CD58: variants seen among roughly 807,000 people sequenced by gnomAD.
CD58 encodes CD58 molecule.
A neutral mutation model predicts 27.6 loss-of-function variants in CD58; 14 were observed. That is an observed-to-expected ratio of 0.51 (90% CI 0.34 to 0.79). CD58 has a LOEUF of 0.79. CD58 is among the 30% of genes least tolerant of loss of function. The pLI, the probability that CD58 is intolerant of heterozygous loss-of-function variation, is 0.02. For missense variants in CD58, 268 were observed against 301.7 expected (o/e 0.89, Z 0.83); for synonymous variants, 117 against 103.8 (o/e 1.13, Z -0.77).
chr1:116,557,407 T>A lies in CD58; in HGVS notation c.71-12803A>T, dbSNP rs1658600310. 6.6e-6 allele frequency among the ~76,000 whole-genome samples: 1 copy of A among 152,138 alleles called. No individual in the cohort carries two copies. Reference sequence around the variant, plus strand: ...ATCACCAAAGCAAGATGGGAGGACCTGCGGGCTCCACCTTCCCAACTCCAC... The same window carrying A: ...ATCACCAAAGCAAGATGGGAGGACCAGCGGGCTCCACCTTCCCAACTCCAC... On this transcript the variant is annotated intron_variant, in intron 1 of 5. Coordinates refer to ENST00000369489, the MANE Select transcript of CD58 (RefSeq NM_001779.3). The surrounding 1 kb of genome is among the most constrained non-coding windows in gnomAD (Gnocchi z 5.2).
At position 116,559,417 on chromosome 1, in the gene CD58, C is replaced by G. The variant is rs578008168; in HGVS notation, c.70+11486G>C. On this transcript the variant is annotated intron_variant, in intron 1 of 5. Transcript: ENST00000369489. This position sits in a 1 kb window ranked among gnomAD's most constrained non-coding sequence, Gnocchi z 4.4. The stretch of plus-strand genomic sequence containing the variant: ...GGCAGAGCTGGTGTCCAGACACAGG[C>G]AGTCGGCCCCAGAGCCTGCACTGTT... 1.3e-5 allele frequency among the ~76,000 whole-genome samples: 2 copies of G among 152,326 alleles called. No homozygotes were observed. The highest frequency in any genetic ancestry group is 4.1e-4 in the South Asian group (2 of 4,828).
intron 1 of CD58, among the ~76,000 whole-genome samples, chr1:116,548,959 G>A (rs1256934871): frequency 2.0e-5 from 3 of 152,174 alleles, no homozygotes; most frequent in African/African-American, 7.2e-5. Flanking sequence ...GCTCCAAGAG[G>A]CATATCACCT....
At chr1:116,567,246 GGGGA>G (rs1419467312) in intron 1 of CD58, among the ~76,000 whole-genome samples, 2 of 124,412 alleles carry the variant, frequency 1.6e-5, no homozygotes, top group Non-Finnish European at 3.5e-5. Context: ...AGGGAGGGGA[GGGGA>G]GGGAGGGAGG....
At chr1:116,544,191 C>A in intron 2 of CD58, 120 bp downstream of exon 2, 1 of 681,056 alleles carries the variant, frequency 1.5e-6, no homozygotes, top group Non-Finnish European at 2.4e-6. Context: ...GGAGAAAACC[C>A]TGACAACAGG....
At chr1:116,554,532 T>C (rs921912447) in intron 1 of CD58, among the ~76,000 whole-genome samples, 2 of 151,870 alleles carry the variant, frequency 1.3e-5, no homozygotes, top group African/African-American at 2.4e-5. Flanking sequence ...CCAAAAAATA[T>C]ATATATATTT....
chr1:116,570,012 G>A lies in CD58; in HGVS notation c.70+891C>T, dbSNP rs1005752832. ...ATGCACACGCGCACCTCCCGGGCAG[G>A]CAGCGGACGCTGAGCAAACGGACGG... On this transcript the variant is annotated intron_variant, in intron 1 of 5. Coordinates refer to ENST00000369489, the MANE Select transcript of CD58 (RefSeq NM_001779.3). This position sits in a 1 kb window ranked among gnomAD's most constrained non-coding sequence, Gnocchi z 6.4. Among the ~76,000 whole-genome samples the A allele has an allele frequency of 6.6e-6, 1 of 152,230 alleles. No homozygotes were observed. The highest frequency in any genetic ancestry group is 1.5e-5 in the Non-Finnish European group (1 of 68,046).
At position 116,517,970 on chromosome 1, in the gene CD58, TAAC is replaced by T. The variant is rs1294033496; in HGVS notation, c.743+1258_743+1260del. Among the ~76,000 whole-genome samples, 1 of 152,208 alleles carries T rather than the reference TAAC, an allele frequency of 6.6e-6. No homozygotes were observed. Among genetic ancestry groups the T allele is most frequent in the Non-Finnish European group, 1.5e-5 (1 of 68,030 alleles). On this transcript the variant is annotated intron_variant, in intron 5 of 5. Transcript: ENST00000369489. The surrounding 1 kb of genome is among the most constrained non-coding windows in gnomAD (Gnocchi z 6.5). ...TTTTATTTTTCTTGAAAAATAATAGTAACAATAGTCATAATGGCTAACATTTAT... is the reference window on the plus strand; with the variant it reads ...TTTTATTTTTCTTGAAAAATAATAGTAATAGTCATAATGGCTAACATTTAT...
intron 1 of CD58, among the ~76,000 whole-genome samples, chr1:116,562,753 A>G (rs1234901336): frequency 6.6e-6 from 1 of 152,196 alleles, no homozygotes; most frequent in African/African-American, 2.4e-5. Context: ...AGAACAGTAT[A>G]GAGGAAACTG....
Position 116,517,183 on chromosome 1 carries a change from C to T in CD58, c.743+2048G>A, listed in dbSNP as rs567357898. ...AGAGACCTGACTTGGCTCTCACACT[C>T]ACCTGGGGCTCACGCATATTGCTCA... On this transcript the variant is annotated intron_variant, in intron 5 of 5. Transcript: ENST00000369489. The surrounding 1 kb of genome is among the most constrained non-coding windows in gnomAD (Gnocchi z 6.5). Among the ~76,000 whole-genome samples, 13 of 152,180 alleles carry T rather than the reference C, an allele frequency of 8.5e-5. No individual in the cohort carries two copies. The highest frequency in any genetic ancestry group is 2.1e-4 in the South Asian group (1 of 4,810).
In CD58 at chr1:116,516,877, G is replaced by A. The variant is rs1404535751; in HGVS notation, c.744-2055C>T. ...CTGGTGTGGCCACAAGCTTCTTGTG[G>A]GAGGAGCCCTATTATATGCTTTCTC... On this transcript the variant is annotated intron_variant, in intron 5 of 5. Transcript: ENST00000369489. The surrounding 1 kb of genome is among the most constrained non-coding windows in gnomAD (Gnocchi z 6.1). Among the ~76,000 whole-genome samples, 1 of 152,134 alleles carries A rather than the reference G, an allele frequency of 6.6e-6. No homozygotes were observed. Among genetic ancestry groups the A allele is most frequent in the African/African-American group, 2.4e-5 (1 of 41,412 alleles).
At position 116,541,075 on chromosome 1, in the gene CD58, C is replaced by T. The variant is rs1386487176; in HGVS notation, c.364+3236G>A. 6.6e-6 allele frequency among the ~76,000 whole-genome samples: 1 copy of T among 152,196 alleles called. No homozygotes were observed. Among genetic ancestry groups the T allele is most frequent in the Admixed American group, 6.5e-5 (1 of 15,272 alleles). ...CCTCCCTCCTCAGCCTCACAAAGTG[C>T]TGGGATTATAGCCTTGAGCCACAAT... is the stretch of plus-strand genomic sequence containing the variant. On this transcript the variant is annotated intron_variant, in intron 2 of 5. Transcript: ENST00000369489. This position sits in a 1 kb window ranked among gnomAD's most constrained non-coding sequence, Gnocchi z 5.3.
Position 116,563,986 on chromosome 1 carries a change from C to T in CD58, c.70+6917G>A, listed in dbSNP as rs1658852239. On this transcript the variant is annotated intron_variant, in intron 1 of 5. Coordinates refer to ENST00000369489, the MANE Select transcript of CD58 (RefSeq NM_001779.3). The surrounding 1 kb of genome is among the most constrained non-coding windows in gnomAD (Gnocchi z 4.1). ...ATCATTGGGCTGCAAATTTTTTGAACTTTTATGCCCTGCTATCCTTTTAAA... is the reference window on the plus strand; with the variant it reads ...ATCATTGGGCTGCAAATTTTTTGAATTTTTATGCCCTGCTATCCTTTTAAA... 6.6e-6 allele frequency among the ~76,000 whole-genome samples: 1 copy of T among 152,194 alleles called. No homozygotes were observed. The highest frequency in any genetic ancestry group is 2.4e-5 in the African/African-American group (1 of 41,458).
Position 116,531,799 on chromosome 1 carries a change from A to G in CD58, c.628+4166T>C, listed in dbSNP as rs1418887578. Among the ~76,000 whole-genome samples the G allele has an allele frequency of 3.9e-5, 6 of 152,212 alleles. No homozygotes were observed. Among genetic ancestry groups the G allele is most frequent in the Admixed American group, 3.9e-4 (6 of 15,284 alleles). ...TAATAGAATATTCTAACTATTATGT[A>G]CAAATTGAAAACACTGTATTCAGTT... On this transcript the variant is annotated intron_variant, in intron 3 of 5. Coordinates refer to ENST00000369489, the MANE Select transcript of CD58 (RefSeq NM_001779.3). The surrounding 1 kb of genome is among the most constrained non-coding windows in gnomAD (Gnocchi z 4.5).
rs1658601755 is a variant in CD58, at chr1:116,557,483, C to T, written c.71-12879G>A. Among the ~76,000 whole-genome samples the T allele has an allele frequency of 6.6e-6, 1 of 152,176 alleles. No homozygotes were observed. The highest frequency in any genetic ancestry group is 6.5e-5 in the Admixed American group (1 of 15,286). On this transcript the variant is annotated intron_variant, in intron 1 of 5. Transcript: ENST00000369489. The surrounding 1 kb of genome is among the most constrained non-coding windows in gnomAD (Gnocchi z 5.2). Reference sequence around the variant, plus strand: ...CTCAAGTTTAAGTAGATTTTACCAACTAAGTGTTATAGGATGCAGGGCACC... The same window carrying T: ...CTCAAGTTTAAGTAGATTTTACCAATTAAGTGTTATAGGATGCAGGGCACC...
At chr1:116,556,261 A>C (rs1277507167) in intron 1 of CD58, among the ~76,000 whole-genome samples, 64 of 149,742 alleles carry the variant, frequency 4.3e-4, no homozygotes, top group African/African-American at 1.5e-3. Context: ...CTCAGAAAAA[A>C]AAAAAAAAAA....
chr1:116,545,373 C>G (rs1419289189), intron 1 of CD58, among the ~76,000 whole-genome samples: 2 of 152,094 alleles, frequency 1.3e-5, no homozygotes, highest in Non-Finnish European at 2.9e-5. Flanking sequence ...GGGGCCAGCA[C>G]AGAGGCAGGG....
chr1:116,515,459 G>A lies in CD58; in HGVS notation c.744-637C>T, dbSNP rs977470165. Among the ~76,000 whole-genome samples, 8 of 152,330 alleles carry A rather than the reference G, an allele frequency of 5.3e-5. No homozygotes were observed. The East Asian group carries it at 1.2e-3, about 22-fold the overall frequency. On this transcript the variant is annotated intron_variant, in intron 5 of 5. Transcript: ENST00000369489. This position sits in a 1 kb window ranked among gnomAD's most constrained non-coding sequence, Gnocchi z 4.6. ...AGAAATTAGTGCTGTGGTCACAGGG[G>A]TGAGGTAAAGGACAGCAAACTAGAA...
At chr1:116,554,536 T>C (rs145437558) in intron 1 of CD58, among the ~76,000 whole-genome samples, 13 of 152,058 alleles carry the variant, frequency 8.5e-5, no homozygotes, top group East Asian at 5.8e-4. Flanking sequence ...AAAATATATA[T>C]ATATTTTAAC....
chr1:116,525,136 A>T (rs1343056526), intron 3 of CD58, among the ~76,000 whole-genome samples: 1 of 152,256 alleles, frequency 6.6e-6, no homozygotes, highest in African/African-American at 2.4e-5. Flanking sequence ...GGACAAATGT[A>T]TAATAACATC....
Sources: gnomAD v4.1 joint callset for allele counts (sites outside exome capture counted in the v4.1 genomes callset) on GRCh38, gnomAD v4.1.1 for gene constraint, Gnocchi (gnomAD v3.1) non-coding constraint, MANE v1.5 for transcripts, NCBI Gene and HGNC (gene_info 2026-07-23, HGNC 2026-07-21) for gene names.